Variants in PDE10A observed in about 807,000 individuals in gnomAD.
PDE10A encodes the protein phosphodiesterase 10A.
Under a neutral mutation model 97.7 loss-of-function variants are expected in PDE10A, and 39 were observed. The ratio of observed to expected loss-of-function variants is 0.40; its 90% confidence interval spans 0.31 to 0.52. PDE10A has a LOEUF of 0.52. Ranked by LOEUF, PDE10A falls within the 20% of genes least tolerant of loss-of-function variation. The pLI is 0.56. For missense variants in PDE10A, 731 were observed against 1,047.8 expected, an observed-to-expected ratio of 0.70 and a Z score of 4.17; for synonymous variants, 371 against 376.8, an observed-to-expected ratio of 0.98 and a Z score of 0.18.
chr6:165,926,085 A>C (rs1782926625), intron 1 of PDE10A, among the ~76,000 whole-genome samples: 1 of 152,228 alleles, frequency 6.6e-6, no homozygotes, highest in Admixed American at 6.5e-5. Context: ...GAAAATATGC[A>C]GTGTACTTGT....
intron 1 of PDE10A, among the ~76,000 whole-genome samples, chr6:165,864,872 G>T (rs537756816): frequency 3.3e-5 from 5 of 152,202 alleles, no homozygotes; most frequent in Non-Finnish European, 7.4e-5. Context: ...AAAACAAAAA[G>T]AAATTAACAT....
At chr6:165,340,561 C>T (rs528463852) in intron 19 of PDE10A, among the ~76,000 whole-genome samples, 1 of 152,356 alleles carries the variant, frequency 6.6e-6, no homozygotes, top group East Asian at 1.9e-4. Context: ...AAGTCCCTTG[C>T]TCTCAAAGAC....
At chr6:165,346,859 G>A (rs1782346456) in intron 18 of PDE10A, among the ~76,000 whole-genome samples, 1 of 152,128 alleles carries the variant, frequency 6.6e-6, no homozygotes, top group Non-Finnish European at 1.5e-5. Flanking sequence ...GTATACTGAT[G>A]TATAAGCAAA....
intron 13 of PDE10A, among the ~76,000 whole-genome samples, chr6:165,406,354 G>C (rs988897140): frequency 6.6e-6 from 1 of 151,120 alleles, no homozygotes; most frequent in African/African-American, 2.4e-5. Flanking sequence ...ATGTATTTTT[G>C]ATATTTCTTA....
intron 11 of PDE10A, among the ~76,000 whole-genome samples, chr6:165,417,734 C>T (rs974432271): frequency 1.2e-4 from 18 of 152,128 alleles, no homozygotes; most frequent in African/African-American, 4.3e-4. Flanking sequence ...ACACAGGAAG[C>T]GCTGAGGGGC....
chr6:165,953,165 T>C (rs1232089502), intron 1 of PDE10A, among the ~76,000 whole-genome samples: 1 of 152,238 alleles, frequency 6.6e-6, no homozygotes, highest in African/African-American at 2.4e-5. Flanking sequence ...GCAGAGGCAC[T>C]TTCCAACCAT....
At chr6:165,568,715 C>T (rs1274987951) in intron 1 of PDE10A, among the ~76,000 whole-genome samples, 1 of 151,976 alleles carries the variant, frequency 6.6e-6, no homozygotes, top group East Asian at 1.9e-4. Flanking sequence ...TAAAGTAGTT[C>T]CTTTAAGTTA....
intron 2 of PDE10A, among the ~76,000 whole-genome samples, chr6:165,507,951 C>T (rs955920699): frequency 2.9e-4 from 44 of 152,028 alleles, no homozygotes; most frequent in African/African-American, 1.0e-3. Context: ...AAACAAACCA[C>T]TTGAATTTCA....
chr6:165,886,961 A>C (rs957195512), intron 1 of PDE10A, among the ~76,000 whole-genome samples: 75 of 152,372 alleles, frequency 4.9e-4, no homozygotes, highest in African/African-American at 1.5e-3. Flanking sequence ...CAGATATAGA[A>C]TACAGTGGAG....
chr6:165,639,467 G>A (rs1789026712), intron 1 of PDE10A, among the ~76,000 whole-genome samples: 1 of 152,158 alleles, frequency 6.6e-6, no homozygotes, highest in African/African-American at 2.4e-5. Context: ...GCAGGATGCA[G>A]TGGCTCACAC....
intron 1 of PDE10A, among the ~76,000 whole-genome samples, chr6:165,858,298 G>T (rs555271960): frequency 6.6e-6 from 1 of 152,302 alleles, no homozygotes; most frequent in Admixed American, 6.5e-5. Flanking sequence ...CTCAGCCCAG[G>T]TCTGTCCCTT....
intron 1 of PDE10A, among the ~76,000 whole-genome samples, chr6:165,876,244 A>G (rs1219089957): frequency 6.6e-6 from 1 of 152,248 alleles, no homozygotes; most frequent in Non-Finnish European, 1.5e-5. Flanking sequence ...AAAATATTAC[A>G]TTAAAAAAAG....
rs570634221 is a variant in PDE10A, at chr6:165,574,454, T to C, written c.866-30886A>G. On this transcript the variant is annotated intron_variant, in intron 1 of 21. Coordinates refer to ENST00000539869, the MANE Select transcript of PDE10A (RefSeq NM_001385079.1). ...CTCAGTCACACCACTGGAGCCAGGATTGAGGGATTCAAAGAGAATTTGCTA... is the reference window on the plus strand; with the variant it reads ...CTCAGTCACACCACTGGAGCCAGGACTGAGGGATTCAAAGAGAATTTGCTA... Among the ~76,000 whole-genome samples the C allele has an allele frequency of 1.2e-4, 19 of 152,262 alleles. No individual in the cohort carries two copies. In the South Asian group the frequency reaches 3.9e-3, roughly 32 times the overall value.
chr6:165,393,485 A>T (rs1785882922), intron 15 of PDE10A, among the ~76,000 whole-genome samples: 1 of 151,936 alleles, frequency 6.6e-6, no homozygotes, highest in African/African-American at 2.4e-5. Flanking sequence ...CATATATAAA[A>T]CAAGGCTTTC....
chr6:165,692,956 A>G (rs9365909), intron 1 of PDE10A, among the ~76,000 whole-genome samples: 14,903 of 152,220 alleles, frequency 0.098, 1,211 homozygotes, highest in East Asian at 0.26. Flanking sequence ...GATTTTGCAG[A>G]AAACTGTCCC....
intron 21 of PDE10A, among the ~76,000 whole-genome samples, chr6:165,335,448 TG>T (rs939051673): frequency 1.3e-5 from 2 of 152,060 alleles, no homozygotes; most frequent in Admixed American, 1.3e-4. Context: ...TCCTTTTTGG[TG>T]TATGAAGGAC....
At chr6:165,500,413 A>AC (rs1780800645) in intron 2 of PDE10A, among the ~76,000 whole-genome samples, 2 of 152,116 alleles carry the variant, frequency 1.3e-5, no homozygotes, top group South Asian at 4.1e-4. Flanking sequence ...CCTAGCCCCA[A>AC]CCCTGTGCTC....
At chr6:165,526,165 G>T (rs1466723809) in intron 2 of PDE10A, among the ~76,000 whole-genome samples, 1 of 152,172 alleles carries the variant, frequency 6.6e-6, no homozygotes, top group Non-Finnish European at 1.5e-5. Flanking sequence ...GAAAGGAAAT[G>T]ATCAGACCTT....
chr6:165,925,750 T>C (rs1782913880), intron 1 of PDE10A, among the ~76,000 whole-genome samples: 1 of 152,220 alleles, frequency 6.6e-6, no homozygotes, highest in South Asian at 2.1e-4. Context: ...CTGTGGCTGT[T>C]TGAGGTCAGC....
Sources: allele counts gnomAD v4.1 joint callset (sites outside exome capture counted in the v4.1 genomes callset), GRCh38; gene constraint gnomAD v4.1.1; transcripts MANE v1.5; gene names NCBI Gene and HGNC (gene_info 2026-07-23, HGNC 2026-07-21).